The following SPATA22 variants were observed in gnomAD, a reference collection of about 807,000 sequenced individuals.
SPATA22 encodes the protein spermatogenesis associated 22, also known as spermatogenesis-associated protein 22.
Under a neutral mutation model 47.8 loss-of-function variants are expected in SPATA22, and 29 were observed. The ratio of observed to expected loss-of-function variants is 0.61; its 90% CI spans 0.45 to 0.83. The LOEUF (loss-of-function observed/expected upper bound fraction) is 0.83, where lower values mean the gene tolerates loss of function less well. Among genes scored for constraint, SPATA22 ranks in the 40% least tolerant of loss-of-function variants. The probability of loss-of-function intolerance (pLI) is 0.00; values close to 1 mark genes in which losing one functional copy is unlikely to be tolerated. For synonymous variants in SPATA22, 133 were observed against 140.9 expected (o/e 0.94, Z 0.40); for missense variants, 410 against 421.7 (o/e 0.97, Z 0.24).
intron 3 of SPATA22, among the ~76,000 whole-genome samples, chr17:3,464,547 C>A: frequency 7.2e-6 from 1 of 138,068 alleles, no homozygotes; most frequent in East Asian, 2.1e-4. Flanking sequence ...GCGCCTCTTC[C>A]CGGCCGCCAT....
chr17:3,456,933 G>A (rs1203151516), intron 5 of SPATA22, among the ~76,000 whole-genome samples: 28 of 150,630 alleles, frequency 1.9e-4, no homozygotes, highest in Admixed American at 4.0e-4. Context: ...TATAAACAGA[G>A]CCAAAGACAA....
rs1214770045 is a variant in SPATA22 at position 3,466,818 on chromosome 17, GCT to G, written c.172+606_172+607del. On this transcript the variant is annotated intron_variant, in intron 3 of 8. Coordinates refer to ENST00000572969, the MANE Select transcript of SPATA22 (RefSeq NM_001170698.2). ...AAAGTCACTAATCTCATTCATGAGG[GCT>G]CTGCCCTCATGACTTAATTACCTCC... 1.4e-4 allele frequency among the ~76,000 whole-genome samples: 22 copies of G among 152,230 alleles called. 1 individual carries two copies. Among genetic ancestry groups the G allele is most frequent in the Admixed American group, 6.5e-4 (10 of 15,298 alleles).
intron 1 of SPATA22, chr17:3,494,255 C>T (rs1028111767): frequency 1.5e-5 from 13 of 895,146 alleles, no homozygotes; most frequent in African/African-American, 5.0e-5. Flanking sequence ...CCACCCAACT[C>T]GGCCTCCCAA....
At chr17:3,482,286 C>T (rs530678204) in intron 1 of SPATA22, among the ~76,000 whole-genome samples, 2 of 152,256 alleles carry the variant, frequency 1.3e-5, no homozygotes, top group Admixed American at 1.3e-4. Context: ...AGATTGCCTC[C>T]CTTTAGTCCT....
In SPATA22 at chr17:3,499,000, A is replaced by C. The variant is rs28940279; in HGVS notation, c.-74+14412T>G. 2.2e-4 allele frequency: 356 copies of C among 1,614,100 alleles called. No individual in the cohort carries two copies. Among genetic ancestry groups the C allele is most frequent in the Non-Finnish European group, 3.5e-5 (41 of 1,180,040 alleles). On this transcript the variant is annotated intron_variant, in intron 1 of 8. Transcript: ENST00000541913. ...ACCGTGTACCCCGTGTTTGTGAATGAGGCCGCATATTACGAAAAGAAAGAA... is the reference window on the plus strand; with the variant it reads ...ACCGTGTACCCCGTGTTTGTGAATGCGGCCGCATATTACGAAAAGAAAGAA...
At chr17:3,493,667 G>A (rs2073863032) in intron 1 of SPATA22, among the ~76,000 whole-genome samples, 1 of 151,718 alleles carries the variant, frequency 6.6e-6, no homozygotes, top group Admixed American at 6.6e-5. Context: ...CATCATAGCT[G>A]GAAGGGTCCT....
At chr17:3,489,221 CCTT>C in intron 1 of SPATA22, 1 of 1,463,064 alleles carries the variant, frequency 6.8e-7, no homozygotes. Context: ...GACTATCTCT[CCTT>C]CTGTACCTAG....
At position 3,485,032 on chromosome 17, in the gene SPATA22, T is replaced by G. The variant is rs759116796; in HGVS notation, c.-73-15634A>C. 1.3e-5 allele frequency among the ~76,000 whole-genome samples: 2 copies of G among 152,166 alleles called. No homozygotes were observed. The highest frequency in any genetic ancestry group is 2.1e-4 in the South Asian group (1 of 4,820). On this transcript the variant is annotated intron_variant, in intron 1 of 8. Coordinates refer to the SPATA22 transcript ENST00000541913. This position sits in a 1 kb window ranked among gnomAD's most constrained non-coding sequence, Gnocchi z 4.4. ...TCACAGTAGGGTTTTGTTTTGTTTT[T>G]TTTCTGGAAAAGGGTCTCACTCTGT...
chr17:3,497,701 G>A (rs933471483), intron 1 of SPATA22, among the ~76,000 whole-genome samples: 11 of 152,194 alleles, frequency 7.2e-5, no homozygotes, highest in African/African-American at 1.9e-4. Flanking sequence ...CACTAATGTC[G>A]TGCACGTGAA....
chr17:3,496,642 A>G (rs560842892), intron 1 of SPATA22, among the ~76,000 whole-genome samples: 2 of 152,318 alleles, frequency 1.3e-5, no homozygotes, highest in African/African-American at 4.8e-5. Flanking sequence ...TAAGAATGAC[A>G]GTTCTTACTA....
At chr17:3,504,876 A>G (rs1479357562) in intron 1 of SPATA22, among the ~76,000 whole-genome samples, 1 of 152,196 alleles carries the variant, frequency 6.6e-6, no homozygotes, top group Non-Finnish European at 1.5e-5. Context: ...GGAAATGTTC[A>G]CACTCAACAA....
chr17:3,468,977 A>T (rs2073371643), intron 2 of SPATA22: 1 of 375,170 alleles, frequency 2.7e-6, no homozygotes, highest in African/African-American at 2.1e-5. Context: ...TTTAACAAGT[A>T]AGTCACAAAT....
intron 1 of SPATA22, among the ~76,000 whole-genome samples, chr17:3,479,327 G>A (rs1474434380): frequency 6.6e-6 from 1 of 152,218 alleles, no homozygotes; most frequent in East Asian, 1.9e-4. Context: ...AAATGCGGAA[G>A]AATGATATAG....
intron 1 of SPATA22, among the ~76,000 whole-genome samples, chr17:3,470,093 C>CAAAAA (rs57432043): frequency 0.39 from 21,325 of 54,044 alleles, 4,613 homozygotes; most frequent in East Asian, 0.53. Context: ...GACTCCATCT[C>CAAAAA]AAAAAAAAAA....
chr17:3,488,870 C>T lies in SPATA22; in HGVS notation c.-73-19472G>A, dbSNP rs2073772651. Among the ~76,000 whole-genome samples, 1 of 152,060 alleles carries T rather than the reference C, an allele frequency of 6.6e-6. No individual in the cohort carries two copies. The highest frequency in any genetic ancestry group is 1.5e-5 in the Non-Finnish European group (1 of 68,026). ...GATCTTAACAGTTTCTCTTCAGGTC[C>T]ACCTATTATTTTGTCAGCATAAACT... On this transcript the variant is annotated intron_variant, in intron 1 of 8. Coordinates refer to the SPATA22 transcript ENST00000541913. This position sits in a 1 kb window ranked among gnomAD's most constrained non-coding sequence, Gnocchi z 6.1.
chr17:3,486,452 A>T (rs555076471), intron 1 of SPATA22, among the ~76,000 whole-genome samples: 75 of 152,166 alleles, frequency 4.9e-4, no homozygotes, highest in Non-Finnish European at 9.1e-4. Context: ...TTTGCAATAG[A>T]CATTTCACGA....
Position 3,481,597 on chromosome 17 carries a change from T to C in SPATA22, c.-73-12199A>G, listed in dbSNP as rs370219865. On this transcript the variant is annotated intron_variant, in intron 1 of 8. Coordinates refer to the SPATA22 transcript ENST00000541913. ...TTGTTCATCTTTTTCTTTCTGCTTATAACAGCAAAAAAATGTCAGAAGATT... is the reference window on the plus strand; with the variant it reads ...TTGTTCATCTTTTTCTTTCTGCTTACAACAGCAAAAAAATGTCAGAAGATT... 6.8e-5 allele frequency: 109 copies of C among 1,612,490 alleles called. No individual in the cohort carries two copies. Among genetic ancestry groups the C allele is most frequent in the Non-Finnish European group, 9.1e-5 (107 of 1,179,314 alleles).
At chr17:3,503,972 C>T (rs983654394) in intron 1 of SPATA22, among the ~76,000 whole-genome samples, 1 of 151,740 alleles carries the variant, frequency 6.6e-6, no homozygotes, top group Admixed American at 6.6e-5. Flanking sequence ...CTGATCTGCC[C>T]TCCCTCCCCG....
chr17:3,458,740 C>G (rs934013494), intron 5 of SPATA22, among the ~76,000 whole-genome samples: 4 of 150,318 alleles, frequency 2.7e-5, no homozygotes, highest in African/African-American at 9.7e-5. Flanking sequence ...ACTCGAGAGG[C>G]TGAGGCAGGA....
Sources: allele counts gnomAD v4.1 joint callset (sites outside exome capture counted in the v4.1 genomes callset), GRCh38; gene constraint gnomAD v4.1.1; non-coding constraint Gnocchi (gnomAD v3.1); transcripts MANE v1.5; gene names NCBI Gene and HGNC (gene_info 2026-07-23, HGNC 2026-07-21).